The following RPS6KA3 variants were observed in gnomAD, a reference collection of about 807,000 sequenced individuals.
RPS6KA3 encodes the protein ribosomal protein S6 kinase alpha-3.
Under a neutral mutation model 67.2 loss-of-function variants are expected in RPS6KA3, and 4 were observed. That is an observed-to-expected ratio of 0.06 (90% CI 0.03 to 0.14). The LOEUF is 0.14. Ranked by LOEUF, RPS6KA3 falls within the 10% of genes least tolerant of loss-of-function variation. The pLI is 1.00. For missense variants in RPS6KA3, 204 were observed against 559.0 expected (o/e 0.36, Z 6.40); for synonymous variants, 182 against 183.7 (o/e 0.99, Z 0.07).
chrX:20,208,834 C>T (rs1232812766), intron 3 of RPS6KA3, among the ~76,000 whole-genome samples: 1 of 111,566 alleles, frequency 9.0e-6, no homozygotes, highest in Non-Finnish European at 1.9e-5. Flanking sequence ...AGCCAGGAGT[C>T]AAGAAAACTT....
chrX:20,187,488 G>A (rs1265014081), intron 9 of RPS6KA3, among the ~76,000 whole-genome samples: 2 of 112,028 alleles, frequency 1.8e-5, no homozygotes, highest in African/African-American at 6.5e-5. Flanking sequence ...ACAGGTGTGA[G>A]CCACTGCACT....
intron 2 of RPS6KA3, among the ~76,000 whole-genome samples, chrX:20,232,209 T>C (rs2069284041): frequency 8.9e-6 from 1 of 112,078 alleles, no homozygotes; most frequent in Non-Finnish European, 1.9e-5. Flanking sequence ...GGATTATTTT[T>C]GTAACCTTAG....
intron 10 of RPS6KA3, among the ~76,000 whole-genome samples, chrX:20,184,937 C>T (rs973922004): frequency 9.0e-6 from 1 of 110,709 alleles, no homozygotes; most frequent in Admixed American, 9.6e-5. Context: ...AAACACTGTC[C>T]TCTTTGAAAA....
In RPS6KA3 at chrX:20,178,247, G is replaced by A. The variant is rs562044358; in HGVS notation, c.846-1163C>T. On this transcript the variant is annotated intron_variant, in intron 10 of 21. Coordinates refer to ENST00000379565, the MANE Select transcript of RPS6KA3 (RefSeq NM_004586.3). ...CAGTAGGGGATATTTAATTTAACATGGGAGATTATGAAAGGTCTTCAATGC... is the reference window on the plus strand; with the variant it reads ...CAGTAGGGGATATTTAATTTAACATAGGAGATTATGAAAGGTCTTCAATGC... 7.2e-5 allele frequency among the ~76,000 whole-genome samples: 8 copies of A among 111,348 alleles called. No individual in the cohort carries two copies. The South Asian group carries it at 3.0e-3, about 41-fold the overall frequency.
intron 2 of RPS6KA3, among the ~76,000 whole-genome samples, chrX:20,223,755 T>C (rs2069042544): frequency 8.9e-6 from 1 of 112,104 alleles, no homozygotes. Context: ...TCATTTTATC[T>C]GTAAATATTT....
chrX:20,187,878 G>A lies in RPS6KA3; in HGVS notation c.724C>T (p.Arg242Cys). The A allele has an allele frequency of 8.3e-7, 1 of 1,204,253 alleles. No individual in the cohort carries two copies. The change falls in exon 9 of 22, where the codon CGT becomes TGT. Residue 242 changes from arginine (R) to cysteine (C), a missense_variant. Coordinates refer to ENST00000379565, the MANE Select transcript of RPS6KA3 (RefSeq NM_004586.3). The stretch of plus-strand genomic sequence containing the variant: ...TCAGCACTCTGAGTATGACCTCGAC[G>A]ATTAACTACTTCTGGAGCCATATAC... ...VEYMAPEVVN[R>C]RGHTQSADWW...
At chrX:20,193,634 T>C in intron 6 of RPS6KA3, 41 bp from the exon 7 acceptor site, 1 of 886,850 alleles carries the variant, frequency 1.1e-6, no homozygotes, top group African/African-American at 2.0e-5. Context: ...ATTTTCTTTT[T>C]GTGTCTGTAA....
intron 2 of RPS6KA3, among the ~76,000 whole-genome samples, chrX:20,229,688 T>C (rs2069211544): frequency 8.9e-6 from 1 of 112,350 alleles, no homozygotes; most frequent in African/African-American, 3.2e-5. Context: ...AAAAAGCAAA[T>C]ACAATTTTAA....
chrX:20,234,888 A>C (rs1325269281), intron 1 of RPS6KA3, 74 bp from the exon 2 acceptor site: 3 of 519,249 alleles, frequency 5.8e-6, no homozygotes, highest in Non-Finnish European at 8.9e-6. Flanking sequence ...AAGGCAGACA[A>C]AAAAAAAAAA....
chrX:20,233,290 G>A (rs143692128), intron 2 of RPS6KA3, among the ~76,000 whole-genome samples: 2 of 111,804 alleles, frequency 1.8e-5, no homozygotes, highest in Non-Finnish European at 1.9e-5. Context: ...TTTGACAAAT[G>A]TCTATTGATT....
intron 2 of RPS6KA3, among the ~76,000 whole-genome samples, chrX:20,214,840 T>C (rs868370637): frequency 1.2e-4 from 13 of 105,676 alleles, no homozygotes; most frequent in Admixed American, 4.0e-4. Flanking sequence ...TTTCTTTTTT[T>C]CTTTTTTTTT....
At chrX:20,193,629 C>A in intron 6 of RPS6KA3, 36 bp from the exon 7 acceptor site, 1 of 894,410 alleles carries the variant, frequency 1.1e-6, no homozygotes, top group South Asian at 2.2e-5. Flanking sequence ...AATTTATTTT[C>A]TTTTTGTGTC....
chrX:20,196,503 G>T (rs1432167702), intron 4 of RPS6KA3, among the ~76,000 whole-genome samples: 1 of 112,117 alleles, frequency 8.9e-6, no homozygotes, highest in Non-Finnish European at 1.9e-5. Context: ...GAAAGAATAG[G>T]ACAATCTTTG....
intron 4 of RPS6KA3, 64 bp downstream of exon 4, chrX:20,203,958 G>A: frequency 1.2e-6 from 1 of 802,460 alleles, no homozygotes. Flanking sequence ...AGTCCCATGA[G>A]CTCTATTGAG....
intron 2 of RPS6KA3, among the ~76,000 whole-genome samples, chrX:20,226,353 A>C (rs1405300634): frequency 9.0e-6 from 1 of 111,626 alleles, no homozygotes; most frequent in African/African-American, 3.3e-5. Context: ...TTCAAGAGAC[A>C]TCACAGGATT....
chrX:20,206,331 G>A (rs2068572253), intron 3 of RPS6KA3, among the ~76,000 whole-genome samples: 1 of 112,196 alleles, frequency 8.9e-6, no homozygotes, highest in Non-Finnish European at 1.9e-5. Flanking sequence ...GACGTAAAGG[G>A]AGAAGCATGC....
intron 1 of RPS6KA3, among the ~76,000 whole-genome samples, chrX:20,248,411 C>CTT (rs990228946): frequency 8.9e-6 from 1 of 111,986 alleles, no homozygotes; most frequent in African/African-American, 3.2e-5. Flanking sequence ...AGGACATACC[C>CTT]TTTTATTCCT....
intron 2 of RPS6KA3, among the ~76,000 whole-genome samples, chrX:20,210,074 A>T (rs770819720): frequency 8.9e-6 from 1 of 112,362 alleles, no homozygotes; most frequent in East Asian, 2.8e-4. Context: ...AAAAATGACT[A>T]TTCAGCATGA....
chrX:20,207,567 G>C (rs2068601813), intron 3 of RPS6KA3, among the ~76,000 whole-genome samples: 1 of 111,788 alleles, frequency 8.9e-6, no homozygotes, highest in African/African-American at 3.3e-5. Context: ...ATTAGTAACA[G>C]AGAAGAAGGC....
Sources: allele counts gnomAD v4.1 joint callset (sites outside exome capture counted in the v4.1 genomes callset), GRCh38; gene constraint gnomAD v4.1.1; transcripts MANE v1.5; gene names NCBI Gene and HGNC (gene_info 2026-07-23, HGNC 2026-07-21).